The following RAD17 variants were observed in gnomAD, a reference collection of about 807,000 sequenced individuals.
The protein encoded by RAD17 is cell cycle checkpoint protein RAD17.
In RAD17, 31 loss-of-function variants were observed where a neutral mutation model predicts 81.5. That is an observed-to-expected ratio of 0.38 (90% CI 0.29 to 0.51). The LOEUF is 0.51. RAD17 is among the 20% of genes least tolerant of loss of function. RAD17 has a pLI of 0.88. For missense variants in RAD17, 681 were observed against 781.2 expected, an observed-to-expected ratio of 0.87 and a Z score of 1.53; for synonymous variants, 261 against 266.2, an observed-to-expected ratio of 0.98 and a Z score of 0.19.
chr5:69,381,111 C>T (rs184620885), intron 6 of RAD17, among the ~76,000 whole-genome samples: 62 of 152,164 alleles, frequency 4.1e-4, no homozygotes, highest in African/African-American at 1.4e-3. Context: ...AATCTAATAA[C>T]CAAACTGAGG....
chr5:69,392,671 G>A (rs748490684), intron 13 of RAD17: 3 of 300,580 alleles, frequency 1.0e-5, no homozygotes, highest in Non-Finnish European at 2.1e-5. Flanking sequence ...TCTGTCACTG[G>A]ATCCTCTTAC....
At chr5:69,403,963 T>C (rs1561271907) in intron 17 of RAD17, among the ~76,000 whole-genome samples, 3 of 152,138 alleles carry the variant, frequency 2.0e-5, no homozygotes, top group East Asian at 3.9e-4. Context: ...TTCTGAGATG[T>C]TTTGATAAGT....
At chr5:69,399,957 G>A in intron 16 of RAD17, 92 bp from the exon 17 acceptor site, 1 of 786,760 alleles carries the variant, frequency 1.3e-6, no homozygotes, top group Non-Finnish European at 1.9e-6. Context: ...TAAACTTATT[G>A]TGTAAGTTTA....
intron 3 of RAD17, among the ~76,000 whole-genome samples, 162 bp from the exon 4 acceptor site, chr5:69,371,872 A>G (rs1190039145): frequency 6.6e-6 from 1 of 152,196 alleles, no homozygotes; most frequent in African/African-American, 2.4e-5. Context: ...GAAGTAATGT[A>G]ATTCAGTGTG....
chr5:69,414,381 T>C lies in RAD17; in HGVS notation c.*89T>C. 2 of 1,356,108 alleles carry C rather than the reference T, an allele frequency of 1.5e-6. No individual in the cohort carries two copies. 84.0% of individuals were successfully genotyped at this position (1,356,108 alleles called of 1,614,324 possible). On this transcript the variant is annotated 3_prime_UTR_variant, in exon 19 of 19. Transcript: ENST00000354868. Reference sequence around the variant, plus strand: ...CAGCAGAGTTAATATGCTTTTCTGATGAATTACACAACAGTTTGTTAATTC... The same window carrying C: ...CAGCAGAGTTAATATGCTTTTCTGACGAATTACACAACAGTTTGTTAATTC...
intron 15 of RAD17, among the ~76,000 whole-genome samples, chr5:69,393,916 T>TTTG (rs1764703566): frequency 6.9e-6 from 1 of 144,086 alleles, no homozygotes; most frequent in African/African-American, 2.5e-5. Context: ...TGGTTTTTTT[T>TTTG]TTTTTTTTTT....
At chr5:69,372,998 A>G (rs1235745078) in intron 4 of RAD17, among the ~76,000 whole-genome samples, 1 of 152,186 alleles carries the variant, frequency 6.6e-6, no homozygotes, top group Non-Finnish European at 1.5e-5. Context: ...CTGAAGAAAA[A>G]TATAATCCAG....
At chr5:69,370,409 G>C (rs1018413673) in intron 1 of RAD17, 1 of 152,486 alleles carries the variant, frequency 6.6e-6, no homozygotes, top group Non-Finnish European at 1.5e-5. Flanking sequence ...TGTCGCCCAG[G>C]CTGGAGTGCA....
At chr5:69,395,662 T>C (rs1373977127) in intron 15 of RAD17, among the ~76,000 whole-genome samples, 2 of 152,156 alleles carry the variant, frequency 1.3e-5, no homozygotes, top group Non-Finnish European at 2.9e-5. Context: ...CTCATAAATA[T>C]ATACAGCTAC....
chr5:69,379,985 A>G (rs991168542), intron 6 of RAD17, among the ~76,000 whole-genome samples: 14 of 150,888 alleles, frequency 9.3e-5, no homozygotes, highest in Admixed American at 5.9e-4. Context: ...GGTTCAAGCG[A>G]TTTTCTTGCC....
Position 69,413,804 on chromosome 5 carries a change from A to G in RAD17, c.1752-227A>G, listed in dbSNP as rs565597831. ...CCTGCCTTGGCCTCCCACAGTGCAG[A>G]TAGTACAGGCATGAGCCATCGTGTT... On this transcript the variant is annotated intron_variant, in intron 18 of 18. Coordinates refer to ENST00000354868, the MANE Select transcript of RAD17 (RefSeq NM_133338.3). Among the ~76,000 whole-genome samples, 5 of 152,316 alleles carry G rather than the reference A, an allele frequency of 3.3e-5. No homozygotes were observed. In the East Asian group the frequency reaches 5.8e-4, roughly 18 times the overall value.
Position 69,372,168 on chromosome 5 carries a change from C to A in RAD17, c.-41C>A. ...TCTCAAAAATATAGAGGAAAGGGGC[C>A]AAGATTATAGTACCAGTCACAATCT... On this transcript the variant is annotated 5_prime_UTR_variant, in exon 4 of 19. Coordinates refer to ENST00000354868, the MANE Select transcript of RAD17 (RefSeq NM_133338.3). 6.3e-7 allele frequency: 1 copy of A among 1,598,724 alleles called. No homozygotes were observed.
chr5:69,402,948 G>A (rs533007730), intron 17 of RAD17, among the ~76,000 whole-genome samples: 43 of 152,086 alleles, frequency 2.8e-4, no homozygotes, highest in African/African-American at 9.6e-4. Context: ...ACTTAATACC[G>A]TTTATTTTAT....
intron 7 of RAD17, among the ~76,000 whole-genome samples, chr5:69,384,392 C>T (rs1764044832): frequency 1.3e-5 from 2 of 151,930 alleles, no homozygotes; most frequent in Admixed American, 6.6e-5. Context: ...CTGCAACCTC[C>T]ACCTCCTGGG....
At chr5:69,385,009 GA>G (rs1764097263) in intron 8 of RAD17, 76 bp downstream of exon 8, 1 of 1,278,978 alleles carries the variant, frequency 7.8e-7, no homozygotes, top group African/African-American at 1.5e-5. Context: ...ACCCAGGCTG[GA>G]GTGCAGTGGC....
Position 69,371,469 on chromosome 5 carries a change from A to G in RAD17, c.-264A>G. Reference sequence around the variant, plus strand: ...CCCCCCCCAGGTGAATTATAGTTTAATGTACTGCAAGTCCTAAACTACGGA... The same window carrying G: ...CCCCCCCCAGGTGAATTATAGTTTAGTGTACTGCAAGTCCTAAACTACGGA... On this transcript the variant is annotated 5_prime_UTR_variant, in exon 3 of 19. The change abolishes an upstream ATG in the 5' untranslated region. Transcript: ENST00000354868. 1 of 508,484 alleles carries G rather than the reference A, an allele frequency of 2.0e-6. No homozygotes were observed. The highest frequency in any genetic ancestry group is 3.1e-6 in the Non-Finnish European group (1 of 327,016). 31.5% of individuals were successfully genotyped at this position (508,484 alleles called of 1,614,324 possible). A position where few individuals can be genotyped will look rare whatever the true frequency, so the allele number is the denominator to read the frequency against.
At position 69,386,503 on chromosome 5, in the gene RAD17, T is replaced by G. The variant is rs1324515611; in HGVS notation, c.894+38T>G. 4 of 1,515,928 alleles carry G rather than the reference T, an allele frequency of 2.6e-6. No homozygotes were observed. The East Asian group carries it at 9.3e-5, about 35-fold the overall frequency. The allele number at this position is 1,515,928 out of a possible 1,614,324, so 93.9% of individuals were successfully genotyped here. The stretch of plus-strand genomic sequence containing the variant: ...TTAATTAAACCTTACTCGATAACTA[T>G]AGAAAGCCTAGCTTAAATAGTATTA... On this transcript the variant is annotated intron_variant, in intron 11 of 18. Coordinates refer to ENST00000354868, the MANE Select transcript of RAD17 (RefSeq NM_133338.3).
chr5:69,408,307 ACTTGGCT>A (rs2150885047), intron 17 of RAD17, among the ~76,000 whole-genome samples: 1 of 151,990 alleles, frequency 6.6e-6, no homozygotes, highest in South Asian at 2.1e-4. Flanking sequence ...TTGTTTAGTG[ACTTGGCT>A]AAACTCATGT....
At position 69,400,438 on chromosome 5, in the gene RAD17, G is replaced by A. The variant is rs549861976; in HGVS notation, c.1693+269G>A. Among the ~76,000 whole-genome samples the A allele has an allele frequency of 2.6e-5, 4 of 151,868 alleles. No homozygotes were observed. In the South Asian group the frequency reaches 6.3e-4, roughly 24 times the overall value. Reference sequence around the variant, plus strand: ...TCACTGTATTAGCCAGGATGGTCTCGATCTCCTGACCTTGTGATCTGCCTG... The same window carrying A: ...TCACTGTATTAGCCAGGATGGTCTCAATCTCCTGACCTTGTGATCTGCCTG... On this transcript the variant is annotated intron_variant, in intron 17 of 18. Coordinates refer to ENST00000354868, the MANE Select transcript of RAD17 (RefSeq NM_133338.3).
Sources: allele counts gnomAD v4.1 joint callset (sites outside exome capture counted in the v4.1 genomes callset), GRCh38; gene constraint gnomAD v4.1.1; transcripts MANE v1.5; gene names NCBI Gene and HGNC (gene_info 2026-07-23, HGNC 2026-07-21).